Variants in ROS1 observed in about 807,000 individuals in gnomAD.
The protein encoded by ROS1 is proto-oncogene tyrosine-protein kinase ROS.
A neutral mutation model predicts 273.5 loss-of-function variants in ROS1; 263 were observed. The ratio of observed to expected loss-of-function variants is 0.96; its 90% confidence interval spans 0.87 to 1.06. The LOEUF is 1.06. Ranked by LOEUF, ROS1 falls within the 50% of genes least tolerant of loss-of-function variation. ROS1 has a pLI of 0.00. For synonymous variants in ROS1, 1,008 were observed against 954.1 expected, an observed-to-expected ratio of 1.06 and a Z score of -1.04; for missense variants, 2,833 against 2,751.1, an observed-to-expected ratio of 1.03 and a Z score of -0.67.
In ROS1 at chr6:117,425,704, T is replaced by G; in HGVS notation, c.-48A>C. On this transcript the variant is annotated 5_prime_UTR_variant, in exon 1 of 44. An upstream start codon of the reference 5' UTR is lost. Coordinates refer to ENST00000368507, the MANE Select transcript of ROS1 (RefSeq NM_001378902.1). The stretch of plus-strand genomic sequence containing the variant: ...TAGATGGCCGGTCTAATTTTCTCCA[T>G]TTTGCTATATGAATTATTTGGGCTT... 6.3e-7 allele frequency: 1 copy of G among 1,599,692 alleles called. No homozygotes were observed. The highest frequency in any genetic ancestry group is 1.1e-5 in the South Asian group (1 of 88,592).
At position 117,337,317 on chromosome 6, in the gene ROS1, A is replaced by G; in HGVS notation, c.5085T>C (p.His1695=). The part of the protein sequence containing the change: ...LQKWKYNEFY[H]VKTSCSQGPA... ...GACCTTGGCTGCATGAAGTTTTAAC[A>G]TGGTAAAACTCATTGTATTTCCACT... Residue 1695 remains histidine, a synonymous_variant, in exon 32 of 44, where the codon CAT becomes CAC. Coordinates refer to ENST00000368507, the MANE Select transcript of ROS1 (RefSeq NM_001378902.1). 4 of 1,605,650 alleles carry G rather than the reference A, an allele frequency of 2.5e-6. No individual in the cohort carries two copies. The highest frequency in any genetic ancestry group is 2.2e-5 in the East Asian group (1 of 44,714).
intron 43 of ROS1, among the ~76,000 whole-genome samples, chr6:117,289,524 AC>A (rs1344507131): frequency 6.6e-6 from 1 of 152,204 alleles, no homozygotes; most frequent in African/African-American, 2.4e-5. Context: ...ATTAAGTTTA[AC>A]ACCTGAACTA....
chr6:117,346,580 T>C (rs77615393), intron 27 of ROS1, among the ~76,000 whole-genome samples: 1 of 152,004 alleles, frequency 6.6e-6, no homozygotes, highest in Non-Finnish European at 1.5e-5. Context: ...CTTTTTTTTT[T>C]GGTAAGACTT....
intron 2 of ROS1, 131 bp from the exon 3 acceptor site, chr6:117,416,448 G>A: frequency 1.5e-6 from 1 of 657,212 alleles, no homozygotes; most frequent in Non-Finnish European, 2.7e-6. Flanking sequence ...CAAGAAACCT[G>A]AGGCCTCCAA....
chr6:117,383,860 C>T (rs1342205619), intron 16 of ROS1, among the ~76,000 whole-genome samples: 1 of 152,198 alleles, frequency 6.6e-6, no homozygotes, highest in Non-Finnish European at 1.5e-5. Flanking sequence ...ATGTTTATGT[C>T]CCTATAAATG....
intron 7 of ROS1, among the ~76,000 whole-genome samples, chr6:117,397,816 G>C (rs1773619639): frequency 6.6e-6 from 1 of 152,138 alleles, no homozygotes. Flanking sequence ...TGATCTGACA[G>C]CCTAGCTTCC....
chr6:117,321,502 G>T, intron 35 of ROS1, 108 bp from the exon 36 acceptor site: 2 of 875,578 alleles, frequency 2.3e-6, no homozygotes, highest in Non-Finnish European at 3.5e-6. Context: ...AACACTATCA[G>T]TAGAATAGTT....
chr6:117,412,153 C>G (rs1357649462), intron 4 of ROS1, among the ~76,000 whole-genome samples: 1 of 152,034 alleles, frequency 6.6e-6, no homozygotes, highest in Admixed American at 6.6e-5. Flanking sequence ...GAGATGAAGT[C>G]AAGACAGGCA....
chr6:117,361,364 G>A (rs1193065760), intron 22 of ROS1, among the ~76,000 whole-genome samples: 2 of 150,426 alleles, frequency 1.3e-5, no homozygotes, highest in African/African-American at 4.9e-5. Context: ...TATACTTTTA[G>A]TATTAAACAT....
intron 3 of ROS1, among the ~76,000 whole-genome samples, chr6:117,414,940 A>G (rs9489153): frequency 0.18 from 27,579 of 152,262 alleles, 2,610 homozygotes; most frequent in Non-Finnish European, 0.21. Context: ...CATGCTGGCC[A>G]CTGCAGCAGC....
intron 4 of ROS1, among the ~76,000 whole-genome samples, chr6:117,413,963 A>G (rs1023673881): frequency 1.3e-5 from 2 of 152,188 alleles, no homozygotes; most frequent in South Asian, 2.1e-4. Context: ...CCTGGGTGAC[A>G]GAGTGAGACT....
At chr6:117,423,523 A>G (rs1318468533) in intron 1 of ROS1, among the ~76,000 whole-genome samples, 1 of 152,200 alleles carries the variant, frequency 6.6e-6, no homozygotes, top group Non-Finnish European at 1.5e-5. Flanking sequence ...TCTGCAGCAC[A>G]TGGCTTCTAG....
intron 25 of ROS1, 106 bp downstream of exon 25, chr6:117,357,698 A>C: frequency 1.3e-6 from 1 of 741,772 alleles, no homozygotes; most frequent in East Asian, 2.7e-5. Flanking sequence ...AGCCCTAAGC[A>C]TCTTATTTTT....
intron 18 of ROS1, among the ~76,000 whole-genome samples, chr6:117,373,143 T>G (rs1445070403): frequency 6.6e-6 from 1 of 152,138 alleles, no homozygotes; most frequent in Non-Finnish European, 1.5e-5. Context: ...AGACACAGAG[T>G]GCTGATTGGT....
intron 28 of ROS1, 98 bp downstream of exon 28, chr6:117,343,962 A>T: frequency 1.9e-6 from 2 of 1,035,676 alleles, no homozygotes; most frequent in Non-Finnish European, 2.9e-6. Context: ...GTACTAGTCC[A>T]TTTCAGAACA....
chr6:117,294,262 C>T (rs1173602869), intron 43 of ROS1, among the ~76,000 whole-genome samples: 3 of 152,048 alleles, frequency 2.0e-5, no homozygotes, highest in African/African-American at 7.2e-5. Flanking sequence ...CAAGGATGGC[C>T]ATTTTCACCA....
intron 1 of ROS1, among the ~76,000 whole-genome samples, chr6:117,419,485 G>T (rs938522508): frequency 6.6e-6 from 1 of 152,088 alleles, no homozygotes; most frequent in Non-Finnish European, 1.5e-5. Context: ...GGTTATATTT[G>T]TAGGAAAAGA....
intron 1 of ROS1, among the ~76,000 whole-genome samples, chr6:117,420,443 G>T (rs9489157): frequency 0.36 from 40,644 of 113,214 alleles, 6,246 homozygotes; most frequent in African/African-American, 0.5. Context: ...GGTGGGGGGA[G>T]GGGGGAGGGA....
intron 17 of ROS1, among the ~76,000 whole-genome samples, chr6:117,379,877 G>A (rs1214979908): frequency 3.3e-5 from 5 of 152,102 alleles, no homozygotes; most frequent in Non-Finnish European, 5.9e-5. Flanking sequence ...GAATAGTAAT[G>A]TGTATATAAA....
Sources: gnomAD v4.1 joint callset for allele counts (sites outside exome capture counted in the v4.1 genomes callset) on GRCh38, gnomAD v4.1.1 for gene constraint, MANE v1.5 for transcripts, NCBI Gene and HGNC (gene_info 2026-07-23, HGNC 2026-07-21) for gene names.